The following TECRL variants were observed in gnomAD, a reference collection of about 807,000 sequenced individuals.
The protein encoded by TECRL is trans-2,3-enoyl-CoA reductase-like.
TECRL carries 63 observed loss-of-function variants against 52.8 expected under a neutral mutation model. The observed-to-expected ratio is 1.19, with a 90% CI of 0.97 to 1.47. TECRL has a LOEUF of 1.47. Among genes scored for constraint, TECRL ranks in the 40% most tolerant of loss-of-function variants. TECRL has a pLI of 0.00. For missense variants in TECRL, 482 were observed against 429.6 expected, an observed-to-expected ratio of 1.12 and a Z score of -1.08; for synonymous variants, 164 against 141.9, an observed-to-expected ratio of 1.16 and a Z score of -1.10.
rs1302512143 is a variant in TECRL, at chr4:64,277,799, T to C, written c.*2273A>G. Reference sequence around the variant, plus strand: ...AATCACAATTTAAAAATGAAGAAACTGAAAATTTTTTTAAATATTTTAAAT... The same window carrying C: ...AATCACAATTTAAAAATGAAGAAACCGAAAATTTTTTTAAATATTTTAAAT... On this transcript the variant is annotated 3_prime_UTR_variant, in exon 12 of 12. Coordinates refer to ENST00000381210, the MANE Select transcript of TECRL (RefSeq NM_001010874.5). The C allele has an allele frequency of 5.3e-4, 1 of 1,872 alleles. No homozygotes were observed. The highest frequency in any genetic ancestry group is 0.062 in the East Asian group (1 of 16). 0.1% of individuals were successfully genotyped at this position (1,872 alleles called of 1,614,324 possible). A position where few individuals can be genotyped will look rare whatever the true frequency, so the allele number is the denominator to read the frequency against.
intron 1 of TECRL, chr4:64,397,898 A>ATGTGTGTGTGTGTGTG (rs56714682): frequency 3.3e-5 from 5 of 150,080 alleles, no homozygotes; most frequent in African/African-American, 1.2e-4. Flanking sequence ...GGAAAGAAAT[A>ATGTGTGTGTGTGTGTG]TGTGTGTGTG....
chr4:64,315,541 G>GA (rs1265784118), intron 4 of TECRL, among the ~76,000 whole-genome samples: 2 of 151,916 alleles, frequency 1.3e-5, no homozygotes, highest in African/African-American at 4.8e-5. Flanking sequence ...TTTTCAAAGA[G>GA]AAAAAAATAC....
intron 2 of TECRL, among the ~76,000 whole-genome samples, chr4:64,339,942 G>A (rs899442046): frequency 6.6e-6 from 1 of 152,058 alleles, no homozygotes; most frequent in Admixed American, 6.6e-5. Context: ...CACAACCTGA[G>A]GAACGTACCT....
Position 64,281,513 on chromosome 4 carries a change from C to A in TECRL, c.879G>T (p.Trp293Cys). ...TAGGACATGAAACCAGGAAAAACAT[C>A]CATGTGAAGGGGTTATAATTTGGAC... ...FPSPNYNPFT[W>C]MFFLVSCPNY... The change falls in exon 10 of 12, where the codon TGG becomes TGT. Residue 293 changes from tryptophan to cysteine, a missense_variant. Transcript: ENST00000381210. 2 of 1,604,534 alleles carry A rather than the reference C, an allele frequency of 1.2e-6. No homozygotes were observed. Among genetic ancestry groups the A allele is most frequent in the South Asian group, 1.1e-5 (1 of 90,008 alleles).
At chr4:64,394,900 A>G (rs1321677689) in intron 1 of TECRL, among the ~76,000 whole-genome samples, 1 of 150,164 alleles carries the variant, frequency 6.7e-6, no homozygotes, top group Non-Finnish European at 1.5e-5. Flanking sequence ...TCAAAAAATT[A>G]ACAAGCATTT....
intron 5 of TECRL, among the ~76,000 whole-genome samples, chr4:64,313,353 T>C (rs1371321072): frequency 6.6e-6 from 1 of 151,892 alleles, no homozygotes; most frequent in Non-Finnish European, 1.5e-5. Context: ...GCATCCTGAA[T>C]AAATATTCTC....
At chr4:64,362,438 A>G (rs1721261909) in intron 2 of TECRL, among the ~76,000 whole-genome samples, 1 of 151,914 alleles carries the variant, frequency 6.6e-6, no homozygotes, top group Admixed American at 6.6e-5. Context: ...AAAATAAATA[A>G]ATAAAGGCAG....
intron 1 of TECRL, among the ~76,000 whole-genome samples, chr4:64,401,356 T>C (rs948261755): frequency 6.6e-6 from 1 of 152,154 alleles, no homozygotes; most frequent in Non-Finnish European, 1.5e-5. Flanking sequence ...TTCCTGCCTC[T>C]TTTTTTCTTG....
chr4:64,407,027 TAATC>T (rs1724778091), intron 1 of TECRL, among the ~76,000 whole-genome samples: 4 of 150,806 alleles, frequency 2.7e-5, no homozygotes, highest in Non-Finnish European at 5.9e-5. Flanking sequence ...AAAAAAAAAT[TAATC>T]TAGAAGACTT....
At chr4:64,388,277 A>G (rs923482713) in intron 1 of TECRL, among the ~76,000 whole-genome samples, 1 of 150,632 alleles carries the variant, frequency 6.6e-6, no homozygotes, top group African/African-American at 2.4e-5. Context: ...TGATGAAAAG[A>G]CTATATTTTC....
intron 9 of TECRL, among the ~76,000 whole-genome samples, chr4:64,286,952 T>C (rs1220733976): frequency 2.0e-5 from 3 of 152,182 alleles, no homozygotes; most frequent in Non-Finnish European, 2.9e-5. Context: ...TATTAGATTA[T>C]ATTGTGTTTC....
intron 2 of TECRL, among the ~76,000 whole-genome samples, chr4:64,368,874 C>A (rs1218839377): frequency 6.6e-6 from 1 of 152,078 alleles, no homozygotes; most frequent in Non-Finnish European, 1.5e-5. Flanking sequence ...TATCCTTGAA[C>A]CTTTCAAAGT....
chr4:64,312,017 A>G lies in TECRL; in HGVS notation c.552-2086T>C, dbSNP rs1335009866. 3.3e-5 allele frequency among the ~76,000 whole-genome samples: 5 copies of G among 152,180 alleles called. No individual in the cohort carries two copies. The East Asian group carries it at 9.6e-4, about 29-fold the overall frequency. On this transcript the variant is annotated intron_variant, in intron 5 of 11. Transcript: ENST00000381210. ...AATGTTCAGGTAACAGGTTCATAAGATACTTGACGCAGATACAGTTCCTAT... is the reference window on the plus strand; with the variant it reads ...AATGTTCAGGTAACAGGTTCATAAGGTACTTGACGCAGATACAGTTCCTAT...
At chr4:64,313,709 C>T (rs1717242857) in intron 5 of TECRL, among the ~76,000 whole-genome samples, 1 of 150,582 alleles carries the variant, frequency 6.6e-6, no homozygotes, top group Non-Finnish European at 1.5e-5. Context: ...TCTCGATCTC[C>T]TGACCTTGTG....
chr4:64,340,183 C>T (rs571910657), intron 2 of TECRL, among the ~76,000 whole-genome samples: 16 of 152,276 alleles, frequency 1.1e-4, no homozygotes, highest in South Asian at 2.1e-4. Flanking sequence ...CAGGAAAAAG[C>T]GGGAGATTCA....
At chr4:64,350,008 T>C (rs1216880443) in intron 2 of TECRL, among the ~76,000 whole-genome samples, 2 of 152,364 alleles carry the variant, frequency 1.3e-5, no homozygotes, top group South Asian at 2.1e-4. Flanking sequence ...CATTATTTAA[T>C]GATTCATGTT....
At chr4:64,380,877 C>A (rs565363039) in intron 1 of TECRL, among the ~76,000 whole-genome samples, 3 of 152,044 alleles carry the variant, frequency 2.0e-5, no homozygotes, top group Non-Finnish European at 1.5e-5. Flanking sequence ...TGTCTATACA[C>A]GGTCTTTTGT....
rs147038542 is a variant in TECRL at position 64,344,156 on chromosome 4, CAT to C, written c.287-15602_287-15601del. Among the ~76,000 whole-genome samples the C allele has an allele frequency of 4.0e-5, 6 of 150,902 alleles. No individual in the cohort carries two copies. In the East Asian group the frequency reaches 7.8e-4, roughly 20 times the overall value. ...TAGGACAAAATCATAGGAAAAAACT[CAT>C]ATATATATATACTCACACATATACA... On this transcript the variant is annotated intron_variant, in intron 2 of 11. Transcript: ENST00000381210.
intron 2 of TECRL, among the ~76,000 whole-genome samples, chr4:64,345,529 A>G (rs1213919956): frequency 8.3e-6 from 1 of 120,500 alleles, no homozygotes; most frequent in Non-Finnish European, 1.6e-5. Context: ...GAAGAGGAAC[A>G]TCACACACCG....
Sources: gnomAD v4.1 joint callset for allele counts (sites outside exome capture counted in the v4.1 genomes callset) on GRCh38, gnomAD v4.1.1 for gene constraint, MANE v1.5 for transcripts, NCBI Gene and HGNC (gene_info 2026-07-23, HGNC 2026-07-21) for gene names.